The following RBFOX1 variants were observed in gnomAD, a reference collection of about 807,000 sequenced individuals.
The protein encoded by RBFOX1 is RNA binding fox-1 homolog 1, also known as RNA binding protein fox-1 homolog 1.
In RBFOX1, 8 loss-of-function variants were observed where a neutral mutation model predicts 57.7. That is an observed-to-expected ratio of 0.14 (90% CI 0.08 to 0.25). RBFOX1 has a LOEUF of 0.25. Among genes scored for constraint, RBFOX1 ranks in the 10% least tolerant of loss-of-function variants. The pLI is 1.00. For missense variants in RBFOX1, 611 were observed against 548.5 expected, an observed-to-expected ratio of 1.11 and a Z score of -1.14; for synonymous variants, 326 against 222.4, an observed-to-expected ratio of 1.47 and a Z score of -4.15.
chr16:7,509,741 A>T (rs761051429), intron 4 of RBFOX1, among the ~76,000 whole-genome samples: 1 of 151,468 alleles, frequency 6.6e-6, no homozygotes, highest in Admixed American at 6.6e-5. Flanking sequence ...CTATCTCTCT[A>T]TCTCTTTAAA....
chr16:6,995,780 AC>A (rs1313457968), intron 3 of RBFOX1, among the ~76,000 whole-genome samples: 2 of 152,040 alleles, frequency 1.3e-5, no homozygotes, highest in Non-Finnish European at 2.9e-5. Flanking sequence ...ATAATAAAAA[AC>A]AAAAAAAGGG....
chr16:5,945,279 C>T (rs184087606), intron 4 of RBFOX1, among the ~76,000 whole-genome samples: 1 of 152,228 alleles, frequency 6.6e-6, no homozygotes, highest in Admixed American at 6.5e-5. Flanking sequence ...ACACGAGGAC[C>T]CACACATGGT....
chr16:6,763,366 T>G (rs1288045496), intron 3 of RBFOX1, among the ~76,000 whole-genome samples: 2 of 152,234 alleles, frequency 1.3e-5, no homozygotes, highest in Non-Finnish European at 2.9e-5. Context: ...TACTTTCCTG[T>G]TGGAGAGCCA....
chr16:7,643,658 G>C (rs1405657827), intron 11 of RBFOX1, among the ~76,000 whole-genome samples: 1 of 152,048 alleles, frequency 6.6e-6, no homozygotes, highest in Non-Finnish European at 1.5e-5. Context: ...CAATATTTTT[G>C]GGTTGAACAC....
At chr16:5,899,962 A>G (rs1389181781) in intron 4 of RBFOX1, among the ~76,000 whole-genome samples, 1 of 152,132 alleles carries the variant, frequency 6.6e-6, no homozygotes, top group Non-Finnish European at 1.5e-5. Flanking sequence ...CGTCCCAGCT[A>G]CTGGGATGGG....
At chr16:5,553,418 C>A (rs371636786) in intron 2 of RBFOX1, among the ~76,000 whole-genome samples, 1 of 151,818 alleles carries the variant, frequency 6.6e-6, no homozygotes, top group African/African-American at 2.4e-5. Context: ...CAGGTTCATG[C>A]CATTCTCCCG....
intron 2 of RBFOX1, among the ~76,000 whole-genome samples, chr16:6,436,922 C>T (rs555622466): frequency 6.6e-5 from 10 of 152,150 alleles, no homozygotes; most frequent in African/African-American, 2.4e-4. Context: ...TAAATTTTCT[C>T]TCCAGTCGAT....
intron 3 of RBFOX1, among the ~76,000 whole-genome samples, chr16:5,796,842 C>G (rs1010689139): frequency 6.6e-5 from 10 of 152,154 alleles, no homozygotes; most frequent in Admixed American, 3.3e-4. Flanking sequence ...CCAGGTTAAC[C>G]TCTATATGGC....
chr16:6,786,946 C>G (rs754140915), intron 3 of RBFOX1, among the ~76,000 whole-genome samples: 6 of 151,952 alleles, frequency 3.9e-5, no homozygotes, highest in African/African-American at 1.5e-4. Context: ...GGGACCTTAT[C>G]TGAAAGTGTC....
chr16:5,805,629 A>T (rs1340349531), intron 3 of RBFOX1, among the ~76,000 whole-genome samples: 2 of 152,224 alleles, frequency 1.3e-5, no homozygotes, highest in Non-Finnish European at 2.9e-5. Flanking sequence ...GGGGCTAGCA[A>T]CTGTGGAGAG....
chr16:6,465,179 A>G (rs771446479), intron 2 of RBFOX1, among the ~76,000 whole-genome samples: 1 of 152,204 alleles, frequency 6.6e-6, no homozygotes, highest in Non-Finnish European at 1.5e-5. Flanking sequence ...TACCCATGCA[A>G]AGTGGTTGTC....
chr16:5,914,303 T>C (rs1897211978), intron 4 of RBFOX1, among the ~76,000 whole-genome samples: 2 of 152,216 alleles, frequency 1.3e-5, no homozygotes, highest in African/African-American at 4.8e-5. Context: ...TTATCCCCAA[T>C]TTTTGTTGGG....
intron 2 of RBFOX1, among the ~76,000 whole-genome samples, chr16:6,412,516 A>G (rs760962252): frequency 6.6e-6 from 1 of 152,194 alleles, no homozygotes; most frequent in South Asian, 2.1e-4. Flanking sequence ...CGTTTACTAG[A>G]TTTGAGTTAT....
rs145415181 is a variant in RBFOX1 at position 7,032,618 on chromosome 16, C to A, written c.-15-19439C>A. 1.5e-4 allele frequency among the ~76,000 whole-genome samples: 23 copies of A among 152,014 alleles called. 1 individual carries two copies. Among genetic ancestry groups the A allele is most frequent in the African/African-American group, 5.3e-4 (22 of 41,492 alleles). On this transcript the variant is annotated intron_variant, in intron 3 of 15. Transcript: ENST00000550418. Reference sequence around the variant, plus strand: ...TTGTTTGTTTGTTTGTTTTGCTAGACGAGTATTTTCCCTCCTCAAGCTAAT... The same window carrying A: ...TTGTTTGTTTGTTTGTTTTGCTAGAAGAGTATTTTCCCTCCTCAAGCTAAT...
chr16:7,229,628 A>G (rs2093361812), intron 4 of RBFOX1, among the ~76,000 whole-genome samples: 2 of 120,784 alleles, frequency 1.7e-5, no homozygotes, highest in African/African-American at 3.2e-5. Context: ...AGATGGAGGG[A>G]GGGAAGGGAA....
At chr16:5,538,370 G>C (rs1172836779) in intron 2 of RBFOX1, among the ~76,000 whole-genome samples, 2 of 152,202 alleles carry the variant, frequency 1.3e-5, no homozygotes, top group African/African-American at 4.8e-5. Flanking sequence ...ATTTATTTGG[G>C]AATGTGGCAT....
chr16:5,564,629 G>C (rs1298844055), intron 2 of RBFOX1, among the ~76,000 whole-genome samples: 1 of 152,166 alleles, frequency 6.6e-6, no homozygotes, highest in African/African-American at 2.4e-5. Flanking sequence ...TTTGGAGTCT[G>C]TCCTGTATCA....
intron 3 of RBFOX1, among the ~76,000 whole-genome samples, chr16:6,738,172 C>A (rs1313041638): frequency 6.6e-6 from 1 of 151,456 alleles, no homozygotes; most frequent in Admixed American, 6.6e-5. Flanking sequence ...GTATGATGAT[C>A]AAAACACATG....
intron 1 of RBFOX1, among the ~76,000 whole-genome samples, chr16:5,446,302 C>T (rs1410523456): frequency 6.6e-6 from 1 of 152,034 alleles, no homozygotes; most frequent in Non-Finnish European, 1.5e-5. Flanking sequence ...TCAAAACATG[C>T]AGAAGACCCG....
Sources: gnomAD v4.1 joint callset for allele counts (sites outside exome capture counted in the v4.1 genomes callset) on GRCh38, gnomAD v4.1.1 for gene constraint, MANE v1.5 for transcripts, NCBI Gene and HGNC (gene_info 2026-07-23, HGNC 2026-07-21) for gene names.